MACROD2: variants seen among roughly 807,000 people sequenced by gnomAD.
MACROD2 encodes ADP-ribose glycohydrolase MACROD2.
A neutral mutation model predicts 70.4 loss-of-function variants in MACROD2; 36 were observed. The ratio of observed to expected loss-of-function variants is 0.51; its 90% CI spans 0.39 to 0.68. The LOEUF is 0.68. MACROD2 is among the 30% of genes least tolerant of loss of function. The pLI is 0.00. For missense variants in MACROD2, 496 were observed against 538.4 expected (o/e 0.92, Z 0.78); for synonymous variants, 172 against 178.8 (o/e 0.96, Z 0.30).
At chr20:14,283,043 A>G (rs116647771) in intron 3 of MACROD2, among the ~76,000 whole-genome samples, 2,291 of 152,346 alleles carry the variant, frequency 0.015, 24 homozygotes, top group African/African-American at 0.027. Context: ...TGAGGACAGT[A>G]GAAATAGACC....
chr20:15,539,410 C>T (rs1292917188), intron 8 of MACROD2, among the ~76,000 whole-genome samples: 1 of 152,310 alleles, frequency 6.6e-6, no homozygotes, highest in East Asian at 1.9e-4. Flanking sequence ...TTTAATATCA[C>T]ATGAAACGGG....
At chr20:14,314,039 ACT>A (rs1433185857) in intron 3 of MACROD2, among the ~76,000 whole-genome samples, 1 of 152,142 alleles carries the variant, frequency 6.6e-6, no homozygotes, top group Non-Finnish European at 1.5e-5. Flanking sequence ...CATTTTAGTA[ACT>A]CTGTGCCTTT....
At chr20:15,951,134 G>C (rs1043794192) in intron 12 of MACROD2, among the ~76,000 whole-genome samples, 2 of 152,050 alleles carry the variant, frequency 1.3e-5, no homozygotes, top group Non-Finnish European at 2.9e-5. Context: ...TTGAATTTAT[G>C]GTTATGGAGT....
At position 14,120,105 on chromosome 20, in the gene MACROD2, C is replaced by T. The variant is rs976717863; in HGVS notation, c.271+34377C>T. The stretch of plus-strand genomic sequence containing the variant: ...GTGAGCACCTGTAATCCTAGCTACT[C>T]GGGAGGCTGAGGCAAGGGAATTGCT... On this transcript the variant is annotated intron_variant, in intron 3 of 17. Coordinates refer to ENST00000684519, the MANE Select transcript of MACROD2 (RefSeq NM_001351661.2). Among the ~76,000 whole-genome samples the T allele has an allele frequency of 1.1e-4, 16 of 145,374 alleles. No individual in the cohort carries two copies. The East Asian group carries it at 1.7e-3, about 16-fold the overall frequency.
intron 3 of MACROD2, among the ~76,000 whole-genome samples, chr20:14,187,691 G>A (rs541495734): frequency 1.3e-5 from 2 of 152,210 alleles, no homozygotes; most frequent in East Asian, 1.9e-4. Flanking sequence ...AGATGAAATC[G>A]TTAATAAGTG....
chr20:14,954,787 A>C lies in MACROD2; in HGVS notation c.418+269828A>C, dbSNP rs1321494295. On this transcript the variant is annotated intron_variant, in intron 5 of 17. Transcript: ENST00000684519. ...ATTTTATATAACATAAATTATAAAT[A>C]TATAAATATATAAATAAATTTTATA... is the stretch of plus-strand genomic sequence containing the variant. Among the ~76,000 whole-genome samples the C allele has an allele frequency of 7.2e-5, 7 of 96,618 alleles. No individual in the cohort carries two copies. In the East Asian group the frequency reaches 2.3e-3, roughly 32 times the overall value. The allele number at this position is 96,618 out of a possible 152,430, so 63.4% of individuals were successfully genotyped here. A position where few individuals can be genotyped will look rare whatever the true frequency, so the allele number is the denominator to read the frequency against.
chr20:14,102,214 G>C (rs1379748359), intron 3 of MACROD2, among the ~76,000 whole-genome samples: 2 of 151,700 alleles, frequency 1.3e-5, no homozygotes, highest in African/African-American at 2.4e-5. Context: ...ATGATAACCA[G>C]GATGGTCTCA....
intron 5 of MACROD2, among the ~76,000 whole-genome samples, chr20:15,177,712 CAGAA>C (rs1291115839): frequency 2.0e-5 from 3 of 152,294 alleles, no homozygotes; most frequent in African/African-American, 2.4e-5. Context: ...TCTGGAAAGA[CAGAA>C]AGAACAGAAT....
At chr20:14,114,007 T>C (rs551988707) in intron 3 of MACROD2, among the ~76,000 whole-genome samples, 1 of 152,132 alleles carries the variant, frequency 6.6e-6, no homozygotes, top group African/African-American at 2.4e-5. Flanking sequence ...ATTCTATCTT[T>C]AGGTATAGAA....
At chr20:14,559,295 T>C (rs899300134) in intron 4 of MACROD2, among the ~76,000 whole-genome samples, 5 of 151,488 alleles carry the variant, frequency 3.3e-5, no homozygotes, top group Admixed American at 3.3e-4. Flanking sequence ...TAGCAGTGTA[T>C]TTTTTTAAAT....
At chr20:15,156,108 A>G (rs2076305073) in intron 5 of MACROD2, among the ~76,000 whole-genome samples, 1 of 152,186 alleles carries the variant, frequency 6.6e-6, no homozygotes. Context: ...ACCTTATCTC[A>G]CTTGCAAATC....
chr20:15,555,615 C>G (rs1185030708), intron 8 of MACROD2, among the ~76,000 whole-genome samples: 2 of 151,732 alleles, frequency 1.3e-5, no homozygotes, highest in Admixed American at 1.3e-4. Flanking sequence ...CTGAGCTTAT[C>G]TCATTTATCT....
At chr20:14,195,596 GAC>G (rs140649313) in intron 3 of MACROD2, among the ~76,000 whole-genome samples, 4 of 151,848 alleles carry the variant, frequency 2.6e-5, no homozygotes, top group Admixed American at 6.6e-5. Context: ...CTAGCAGGCA[GAC>G]ACACACACAC....
At chr20:15,996,209 G>A (rs542704896) in intron 15 of MACROD2, among the ~76,000 whole-genome samples, 1 of 152,034 alleles carries the variant, frequency 6.6e-6, no homozygotes, top group African/African-American at 2.4e-5. Flanking sequence ...CCTAACAAGT[G>A]TAAGGTCATA....
chr20:15,734,887 C>T (rs1008843600), intron 8 of MACROD2, among the ~76,000 whole-genome samples: 7 of 152,112 alleles, frequency 4.6e-5, no homozygotes, highest in African/African-American at 1.4e-4. Context: ...GGAAAATATA[C>T]CAATAACTAT....
intron 2 of MACROD2, among the ~76,000 whole-genome samples, chr20:14,070,366 A>G (rs1236907764): frequency 6.6e-6 from 1 of 151,970 alleles, no homozygotes; most frequent in African/African-American, 2.4e-5. Flanking sequence ...ATGATCAGAT[A>G]GGAGATGGAG....
At chr20:15,930,674 G>A (rs573385910) in intron 10 of MACROD2, among the ~76,000 whole-genome samples, 1 of 152,314 alleles carries the variant, frequency 6.6e-6, no homozygotes, top group African/African-American at 2.4e-5. Context: ...ATAGAAAACA[G>A]TGCCGCTGAG....
At chr20:15,158,040 C>T (rs1174044247) in intron 5 of MACROD2, among the ~76,000 whole-genome samples, 1 of 152,078 alleles carries the variant, frequency 6.6e-6, no homozygotes, top group Non-Finnish European at 1.5e-5. Flanking sequence ...CACCACCCCT[C>T]CCATTAGCAA....
At chr20:15,274,148 C>T (rs4814353) in intron 6 of MACROD2, among the ~76,000 whole-genome samples, 22,778 of 151,922 alleles carry the variant, frequency 0.15, 2,007 homozygotes, top group Non-Finnish European at 0.2. Flanking sequence ...CTAAGGTGAA[C>T]AGAATCAAAA....
Sources: allele counts gnomAD v4.1 joint callset (sites outside exome capture counted in the v4.1 genomes callset), GRCh38; gene constraint gnomAD v4.1.1; transcripts MANE v1.5; gene names NCBI Gene and HGNC (gene_info 2026-07-23, HGNC 2026-07-21).